The following AGT variants were observed in gnomAD, a reference collection of about 807,000 sequenced individuals.
AGT encodes the protein alpha-1 antiproteinase, antitrypsin.
Under a neutral mutation model 28.1 loss-of-function variants are expected in AGT, and 26 were observed. That is an observed-to-expected ratio of 0.92 (90% CI 0.68 to 1.28). AGT has a LOEUF of 1.28. Among genes scored for constraint, AGT ranks in the 50% most tolerant of loss-of-function variants. The pLI is 0.00. For synonymous variants in AGT, 259 were observed against 259.6 expected (o/e 1.00, Z 0.02); for missense variants, 596 against 592.3 (o/e 1.01, Z -0.06).
chr1:230,732,972 A>T (rs1664093920), intron 1 of AGT, among the ~76,000 whole-genome samples: 1 of 151,836 alleles, frequency 6.6e-6, no homozygotes, highest in South Asian at 2.1e-4. Context: ...GACAAGCTTA[A>T]ATAACTGATC....
intron 1 of AGT, among the ~76,000 whole-genome samples, chr1:230,728,650 T>A (rs1663996677): frequency 6.6e-6 from 1 of 152,166 alleles, no homozygotes; most frequent in South Asian, 2.1e-4. Flanking sequence ...GAGGTATGGG[T>A]CACCCTTTTA....
At chr1:230,708,375 G>A (rs2478545) in intron 2 of AGT, among the ~76,000 whole-genome samples, 47,293 of 151,982 alleles carry the variant, frequency 0.31, 8,051 homozygotes, top group African/African-American at 0.46. Context: ...GCTCCTCCCA[G>A]CACTTCTCCT....
intron 1 of AGT, among the ~76,000 whole-genome samples, chr1:230,731,308 C>G (rs1664050756): frequency 6.6e-6 from 1 of 152,196 alleles, no homozygotes. Flanking sequence ...GGCCTCCCAA[C>G]CCGATTCTCT....
At chr1:230,706,452 C>A (rs1663390635) in intron 2 of AGT, among the ~76,000 whole-genome samples, 1 of 152,188 alleles carries the variant, frequency 6.6e-6, no homozygotes, top group African/African-American at 2.4e-5. Flanking sequence ...ACACAACATG[C>A]CAGGCACCAA....
At position 230,703,107 on chromosome 1, in the gene AGT, G is replaced by C. The variant is rs201815901; in HGVS notation, c.*34C>G. ...TTTGCCTCAAAGGCCAGGGGCAGAG[G>C]CCTTGCCAGGCACTGTGTTCTGGGG... On this transcript the variant is annotated 3_prime_UTR_variant, in exon 5 of 5. Coordinates refer to ENST00000366667, the MANE Select transcript of AGT (RefSeq NM_001384479.1). 6 of 1,609,602 alleles carry C rather than the reference G, an allele frequency of 3.7e-6. No individual in the cohort carries two copies. Among genetic ancestry groups the C allele is most frequent in the African/African-American group, 1.3e-5 (1 of 74,946 alleles).
intron 1 of AGT, among the ~76,000 whole-genome samples, chr1:230,724,051 G>A (rs1663892801): frequency 6.6e-6 from 1 of 152,226 alleles, no homozygotes; most frequent in Non-Finnish European, 1.5e-5. Context: ...TACAGCCCAT[G>A]GGCCAAATCT....
chr1:230,731,723 C>G (rs975109864), intron 1 of AGT, among the ~76,000 whole-genome samples: 1 of 152,052 alleles, frequency 6.6e-6, no homozygotes, highest in African/African-American at 2.4e-5. Context: ...AAAAATTAGC[C>G]AGGCATGGTG....
intron 2 of AGT, among the ~76,000 whole-genome samples, chr1:230,708,615 G>T (rs1015395849): frequency 1.3e-5 from 2 of 152,040 alleles, no homozygotes; most frequent in Admixed American, 6.6e-5. Flanking sequence ...CCACAGTCTT[G>T]TCTTTCACCT....
At chr1:230,721,103 A>C (rs1457623758) in intron 1 of AGT, among the ~76,000 whole-genome samples, 4 of 152,256 alleles carry the variant, frequency 2.6e-5, no homozygotes, top group African/African-American at 9.6e-5. Context: ...AAAATCCTGC[A>C]TCACTGCTCT....
At chr1:230,724,077 C>T (rs1663893402) in intron 1 of AGT, among the ~76,000 whole-genome samples, 1 of 152,220 alleles carries the variant, frequency 6.6e-6, no homozygotes, top group Non-Finnish European at 1.5e-5. Flanking sequence ...GGACCACCAT[C>T]TGTTTGTGTA....
At chr1:230,714,932 G>T (rs7533803), upstream of AGT, among the ~76,000 whole-genome samples, 2,703 of 152,168 alleles carry the variant, frequency 0.018, 86 homozygotes, top group African/African-American at 0.06. Context: ...GGTGAGAGTC[G>T]CCAGAAGCCA....
intron 1 of AGT, among the ~76,000 whole-genome samples, chr1:230,722,719 T>G (rs1430861191): frequency 6.6e-6 from 1 of 152,208 alleles, no homozygotes; most frequent in Non-Finnish European, 1.5e-5. Context: ...CCCTTCTGTT[T>G]TGGCCAATTT....
chr1:230,709,326 T>G (rs911038067), intron 2 of AGT, among the ~76,000 whole-genome samples: 1 of 152,028 alleles, frequency 6.6e-6, no homozygotes, highest in Admixed American at 6.6e-5. Flanking sequence ...CCCAACACTT[T>G]GGAAGGCAGA....
At chr1:230,711,744 C>T (rs1010674376) in intron 1 of AGT, among the ~76,000 whole-genome samples, 2 of 151,858 alleles carry the variant, frequency 1.3e-5, no homozygotes, top group Non-Finnish European at 2.9e-5. Flanking sequence ...CTGCAGAGCC[C>T]CAAAGGCATG....
rs764353793 is a variant in AGT at position 230,703,182 on chromosome 1, G to T, written c.1390C>A (p.His464Asn). The T allele has an allele frequency of 6.2e-7, 1 of 1,614,154 alleles. No homozygotes were observed. Among genetic ancestry groups the T allele is most frequent in the South Asian group, 1.1e-5 (1 of 91,086 alleles). Residue 464 changes from histidine to asparagine, a missense_variant, in exon 5 of 5, where the codon CAC (histidine) becomes AAC (asparagine). Coordinates refer to ENST00000366667, the MANE Select transcript of AGT (RefSeq NM_001384479.1). ...AVYDQSATAL[H>N]FLGRVANPLS... The stretch of plus-strand genomic sequence containing the variant: ...GGGTTGGCCACGCGGCCCAGGAAGT[G>T]CAGGGCAGTGGCGCTTTGATCATAC...
intron 1 of AGT, among the ~76,000 whole-genome samples, chr1:230,743,064 C>T (rs1471116932): frequency 6.6e-6 from 1 of 152,172 alleles, no homozygotes. Context: ...GATCTCGGCT[C>T]ACTGCAGCCT....
intron 1 of AGT, among the ~76,000 whole-genome samples, chr1:230,726,699 G>A (rs1379413667): frequency 6.6e-6 from 1 of 152,132 alleles, no homozygotes; most frequent in Non-Finnish European, 1.5e-5. Flanking sequence ...TCCTTTCCAA[G>A]CATCTCTCCT....
intron 2 of AGT, 123 bp from the exon 3 acceptor site, chr1:230,706,323 C>G (rs924141482): frequency 1.7e-5 from 19 of 1,089,572 alleles, no homozygotes; most frequent in Non-Finnish European, 2.5e-5. Flanking sequence ...TTCCTTGGCC[C>G]CCCCCAGGCC....
intron 1 of AGT, among the ~76,000 whole-genome samples, chr1:230,743,081 C>A (rs1571991196): frequency 6.6e-6 from 1 of 152,220 alleles, no homozygotes; most frequent in Non-Finnish European, 1.5e-5. Flanking sequence ...GCCTCTGACT[C>A]CCGGGTTCAA....
Sources: allele counts gnomAD v4.1 joint callset (sites outside exome capture counted in the v4.1 genomes callset), GRCh38; gene constraint gnomAD v4.1.1; transcripts MANE v1.5; gene names NCBI Gene and HGNC (gene_info 2026-07-23, HGNC 2026-07-21).